Variants in RERE observed in about 807,000 individuals in gnomAD.
RERE encodes arginine-glutamic acid dipeptide repeats protein.
In RERE, 40 loss-of-function variants were observed where a neutral mutation model predicts 146.1. That is an observed-to-expected ratio of 0.27 (90% CI 0.21 to 0.36). The LOEUF (loss-of-function observed/expected upper bound fraction) is 0.36. Among genes scored for constraint, RERE ranks in the 10% least tolerant of loss-of-function variants. The pLI is 1.00. For synonymous variants in RERE, 1,003 were observed against 866.0 expected, an observed-to-expected ratio of 1.16 and a Z score of -2.78; for missense variants, 1,933 against 2,138.7, an observed-to-expected ratio of 0.90 and a Z score of 1.90.
chr1:8,445,116 C>T (rs1033623066), intron 11 of RERE, among the ~76,000 whole-genome samples: 4 of 152,072 alleles, frequency 2.6e-5, no homozygotes, highest in African/African-American at 9.7e-5. Context: ...CTTTTAGGGG[C>T]TTCATAGGGA....
intron 2 of RERE, among the ~76,000 whole-genome samples, chr1:8,648,348 C>A (rs150791941): frequency 2.6e-5 from 4 of 152,278 alleles, no homozygotes; most frequent in African/African-American, 7.2e-5. Context: ...CCTCCCACCT[C>A]AGCCTCCCAA....
chr1:8,510,923 T>C (rs1182573565), intron 7 of RERE, among the ~76,000 whole-genome samples: 1 of 152,150 alleles, frequency 6.6e-6, no homozygotes, highest in Non-Finnish European at 1.5e-5. Context: ...TCCTGCTTGA[T>C]TTTTATTTTA....
chr1:8,436,560 G>A (rs1374551390), intron 11 of RERE, among the ~76,000 whole-genome samples: 2 of 151,982 alleles, frequency 1.3e-5, no homozygotes, highest in African/African-American at 2.4e-5. Context: ...AGTTACAAGG[G>A]AACAAAAAAG....
At chr1:8,446,183 T>C (rs1303150265) in intron 11 of RERE, among the ~76,000 whole-genome samples, 3 of 152,228 alleles carry the variant, frequency 2.0e-5, no homozygotes, top group African/African-American at 4.8e-5. Flanking sequence ...ATGTTGAATA[T>C]TGGCCCCCAC....
chr1:8,365,778 C>G, intron 13 of RERE, 34 bp downstream of exon 13: 1 of 1,610,620 alleles, frequency 6.2e-7, no homozygotes, highest in African/African-American at 1.3e-5. Flanking sequence ...ACAGTCTCCC[C>G]TCCGCCCACT....
At chr1:8,773,601 G>C (rs963043503) in intron 1 of RERE, among the ~76,000 whole-genome samples, 1 of 152,150 alleles carries the variant, frequency 6.6e-6, no homozygotes, top group Non-Finnish European at 1.5e-5. Context: ...CAGGGTGGGC[G>C]AATCACAAGG....
chr1:8,501,893 G>A (rs1570351925), intron 8 of RERE, among the ~76,000 whole-genome samples: 6 of 100,360 alleles, frequency 6.0e-5, no homozygotes, highest in South Asian at 3.6e-4. Flanking sequence ...GGTGGGGGGG[G>A]TCAGCCCCCC....
rs1449880482 is a variant in RERE, at chr1:8,353,192, AAAGTT to A, written c.*1890_*1894del. The A allele has an allele frequency of 1.3e-5, 2 of 152,654 alleles. No individual in the cohort carries two copies. Among genetic ancestry groups the A allele is most frequent in the South Asian group, 2.1e-4 (1 of 4,832 alleles). 9.5% of individuals were successfully genotyped at this position (152,654 alleles called of 1,614,324 possible). ...AGCTTTGCCTCCCTGTGAACAAACT[AAAGTT>A]AAGGCAGAAATGGAATGAGAGAAAA... On this transcript the variant is annotated 3_prime_UTR_variant, in exon 23 of 23. Transcript: ENST00000400908.
At chr1:8,587,965 C>T (rs896901754) in intron 4 of RERE, among the ~76,000 whole-genome samples, 3 of 152,190 alleles carry the variant, frequency 2.0e-5, no homozygotes, top group Non-Finnish European at 2.9e-5. Flanking sequence ...TAGTGTTACT[C>T]GCTTTGAAAC....
chr1:8,577,150 C>G (rs570792043), intron 4 of RERE, among the ~76,000 whole-genome samples: 5 of 145,174 alleles, frequency 3.4e-5, no homozygotes, highest in Admixed American at 7.0e-5. Flanking sequence ...GCCTGGGCGA[C>G]AGAGAGAGAC....
chr1:8,663,879 G>C (rs1000323405), intron 1 of RERE, among the ~76,000 whole-genome samples: 1 of 151,966 alleles, frequency 6.6e-6, no homozygotes, highest in Non-Finnish European at 1.5e-5. Flanking sequence ...TGGGAATACT[G>C]TTCCCCGCCC....
chr1:8,488,103 T>G (rs954056214), intron 10 of RERE, among the ~76,000 whole-genome samples: 1 of 128,122 alleles, frequency 7.8e-6, no homozygotes, highest in Non-Finnish European at 1.7e-5. Flanking sequence ...AAAAAAAAAA[T>G]CAAAGACAAC....
chr1:8,429,779 C>T (rs1644068981), intron 11 of RERE: 1 of 152,570 alleles, frequency 6.6e-6, no homozygotes, highest in Non-Finnish European at 1.5e-5. Flanking sequence ...TTCTGTTTTA[C>T]CCTGATTTCT....
At chr1:8,613,082 T>TC (rs537610380) in intron 4 of RERE, among the ~76,000 whole-genome samples, 68 of 152,352 alleles carry the variant, frequency 4.5e-4, no homozygotes, top group African/African-American at 1.5e-3. Context: ...GTCTTGGTCC[T>TC]CTTCATCTTA....
At chr1:8,683,031 CAAAAAAAAAAAAA>C (rs71580039) in intron 1 of RERE, among the ~76,000 whole-genome samples, 3 of 65,728 alleles carry the variant, frequency 4.6e-5, no homozygotes, top group Admixed American at 2.1e-4. Flanking sequence ...CTGTCTTTAC[CAAAAAAAAAAAAA>C]AAAAAAAAAA....
chr1:8,673,952 G>C (rs1638778274), intron 1 of RERE, among the ~76,000 whole-genome samples: 1 of 152,172 alleles, frequency 6.6e-6, no homozygotes, highest in Non-Finnish European at 1.5e-5. Context: ...TGGCTCACTT[G>C]AGCCTGGGAG....
intron 1 of RERE, among the ~76,000 whole-genome samples, chr1:8,706,943 GT>G (rs1639571469): frequency 6.6e-6 from 1 of 152,212 alleles, no homozygotes; most frequent in Admixed American, 6.5e-5. Context: ...GAATAATTAT[GT>G]AAGATAAATG....
intron 4 of RERE, among the ~76,000 whole-genome samples, chr1:8,585,746 G>T (rs150030752): frequency 6.6e-6 from 1 of 152,130 alleles, no homozygotes; most frequent in African/African-American, 2.4e-5. Context: ...TTGAAAACTG[G>T]GTAAATAAAC....
chr1:8,597,832 C>G (rs117345876), intron 4 of RERE, among the ~76,000 whole-genome samples: 1 of 151,706 alleles, frequency 6.6e-6, no homozygotes, highest in African/African-American at 2.4e-5. Flanking sequence ...TCCCGTCCAT[C>G]TTCCAGAAGA....
Sources: gnomAD v4.1 joint callset for allele counts (sites outside exome capture counted in the v4.1 genomes callset) on GRCh38, gnomAD v4.1.1 for gene constraint, MANE v1.5 for transcripts, NCBI Gene and HGNC (gene_info 2026-07-23, HGNC 2026-07-21) for gene names.